Variants in PRKCA observed in about 807,000 individuals in gnomAD.
PRKCA encodes protein kinase C alpha type.
A neutral mutation model predicts 87.0 loss-of-function variants in PRKCA; 27 were observed. The ratio of observed to expected loss-of-function variants is 0.31; its 90% CI spans 0.23 to 0.43. The LOEUF (loss-of-function observed/expected upper bound fraction) is 0.43, where lower values mean the gene tolerates loss of function less well. PRKCA is among the 20% of genes least tolerant of loss of function. The pLI, the probability that PRKCA is intolerant of heterozygous loss-of-function variation, is 1.00. For missense variants in PRKCA, 518 were observed against 852.3 expected (o/e 0.61, Z 4.88); for synonymous variants, 329 against 311.1 (o/e 1.06, Z -0.61).
rs557703538 is a variant in PRKCA at position 66,648,994 on chromosome 17, G to A, written c.529+3483G>A. 2.6e-5 allele frequency among the ~76,000 whole-genome samples: 4 copies of A among 152,042 alleles called. No homozygotes were observed. In the South Asian group the frequency reaches 8.3e-4, roughly 32 times the overall value. On this transcript the variant is annotated intron_variant, in intron 5 of 16. Transcript: ENST00000413366. Reference sequence around the variant, plus strand: ...ATGTAGTCCCAGGTACTCAGGAGGAGGCTGAGGCAGGATAATCGGTTGAAC... The same window carrying A: ...ATGTAGTCCCAGGTACTCAGGAGGAAGCTGAGGCAGGATAATCGGTTGAAC...
At chr17:66,439,196 A>T (rs7209341) in intron 2 of PRKCA, among the ~76,000 whole-genome samples, 65,990 of 151,070 alleles carry the variant, frequency 0.44, 16,529 homozygotes, top group African/African-American at 0.69. Context: ...TCTTTTTTTT[A>T]TTGAGACAGA....
At chr17:66,753,361 A>C (rs1056313943) in intron 13 of PRKCA, among the ~76,000 whole-genome samples, 1 of 152,080 alleles carries the variant, frequency 6.6e-6, no homozygotes, top group Non-Finnish European at 1.5e-5. Context: ...TGGCGTATGC[A>C]CTCCTGTGGC....
In PRKCA at chr17:66,423,841, C is replaced by A. The variant is rs1489997578; in HGVS notation, c.206-72360C>A. Among the ~76,000 whole-genome samples the A allele has an allele frequency of 2.1e-5, 3 of 141,388 alleles. 1 individual carries two copies. Among genetic ancestry groups the A allele is most frequent in the Non-Finnish European group, 4.9e-5 (3 of 61,322 alleles). 92.8% of individuals were successfully genotyped at this position (141,388 alleles called of 152,430 possible). A position where few individuals can be genotyped will look rare whatever the true frequency, so the allele number is the denominator to read the frequency against. ...GTTTAAGAATTCAATCTTTTAAGTGCCGGTGATGTCAGTTTGGAGACAGCA... is the reference window on the plus strand; with the variant it reads ...GTTTAAGAATTCAATCTTTTAAGTGACGGTGATGTCAGTTTGGAGACAGCA... On this transcript the variant is annotated intron_variant, in intron 2 of 16. Coordinates refer to ENST00000413366, the MANE Select transcript of PRKCA (RefSeq NM_002737.3).
intron 3 of PRKCA, among the ~76,000 whole-genome samples, chr17:66,557,939 G>A (rs1246713263): frequency 6.6e-6 from 1 of 152,170 alleles, no homozygotes; most frequent in African/African-American, 2.4e-5. Context: ...CACAGGCAGA[G>A]GACACCATCC....
At chr17:66,720,913 G>T (rs560106331) in intron 8 of PRKCA, among the ~76,000 whole-genome samples, 5 of 152,146 alleles carry the variant, frequency 3.3e-5, no homozygotes, top group African/African-American at 1.2e-4. Flanking sequence ...AATGCTAAGA[G>T]ATCATGTATT....
At chr17:66,582,477 C>T (rs1969474888) in intron 3 of PRKCA, among the ~76,000 whole-genome samples, 1 of 152,110 alleles carries the variant, frequency 6.6e-6, no homozygotes, top group Non-Finnish European at 1.5e-5. Flanking sequence ...GGATAAGTCT[C>T]ATGAGAACTG....
rs74794393 is a variant in PRKCA, at chr17:66,513,030, C to A, written c.288+16747C>A. On this transcript the variant is annotated intron_variant, in intron 3 of 16. Coordinates refer to ENST00000413366, the MANE Select transcript of PRKCA (RefSeq NM_002737.3). ...TTCTATTACTTTATGCACTTCAAAC[C>A]CCCTGTCATCATCTAAAACCATACA... Among the ~76,000 whole-genome samples, 941 of 152,226 alleles carry A rather than the reference C, an allele frequency of 6.2e-3. 11 individuals carry two copies. Among genetic ancestry groups the A allele is most frequent in the African/African-American group, 0.021 (889 of 41,544 alleles).
chr17:66,440,889 A>G (rs1038220804), intron 2 of PRKCA, among the ~76,000 whole-genome samples: 1 of 151,962 alleles, frequency 6.6e-6, no homozygotes, highest in African/African-American at 2.4e-5. Context: ...AGGGCCGGGT[A>G]TGGTGGCTCA....
intron 3 of PRKCA, among the ~76,000 whole-genome samples, chr17:66,617,923 T>G (rs1417595286): frequency 6.6e-6 from 1 of 152,222 alleles, no homozygotes; most frequent in East Asian, 1.9e-4. Flanking sequence ...TTTCAGGTGC[T>G]AGAAACACAT....
At chr17:66,563,062 A>G (rs1407211909) in intron 3 of PRKCA, among the ~76,000 whole-genome samples, 1 of 152,012 alleles carries the variant, frequency 6.6e-6, no homozygotes, top group Non-Finnish European at 1.5e-5. Flanking sequence ...TTTTAGGGTT[A>G]TAGGAAAATG....
chr17:66,333,999 C>A (rs1038596513), intron 2 of PRKCA, among the ~76,000 whole-genome samples: 1 of 152,116 alleles, frequency 6.6e-6, no homozygotes, highest in African/African-American at 2.4e-5. Context: ...GCCTGTAATC[C>A]CAGCACTTTG....
intron 13 of PRKCA, among the ~76,000 whole-genome samples, chr17:66,758,057 A>G (rs1221291441): frequency 6.6e-6 from 1 of 152,214 alleles, no homozygotes; most frequent in East Asian, 1.9e-4. Flanking sequence ...GGAAAGTGAC[A>G]TAGGTCAGAA....
chr17:66,586,863 A>C (rs1185674866), intron 3 of PRKCA, among the ~76,000 whole-genome samples: 2 of 152,206 alleles, frequency 1.3e-5, no homozygotes, highest in Non-Finnish European at 2.9e-5. Flanking sequence ...CTGTACCTGC[A>C]CTGGGGTTGT....
In PRKCA at chr17:66,410,636, C is replaced by T. The variant is rs147792633; in HGVS notation, c.206-85565C>T. Among the ~76,000 whole-genome samples the T allele has an allele frequency of 6.8e-3, 1,037 of 152,180 alleles. 18 individuals are homozygous for T. The highest frequency in any genetic ancestry group is 0.023 in the African/African-American group (974 of 41,506). ...TGTTACTCAGGCTGGAGTGTGGTGG[C>T]GCGATCTCGGCTCACTGCAACCTCC... On this transcript the variant is annotated intron_variant, in intron 2 of 16. Transcript: ENST00000413366.
chr17:66,412,280 C>A (rs1352568951), intron 2 of PRKCA, among the ~76,000 whole-genome samples: 2 of 152,130 alleles, frequency 1.3e-5, no homozygotes, highest in East Asian at 3.9e-4. Flanking sequence ...TGGTTTCGAA[C>A]TCCTGAGCTC....
intron 3 of PRKCA, among the ~76,000 whole-genome samples, chr17:66,537,206 T>C (rs1331911509): frequency 2.0e-5 from 3 of 152,172 alleles, no homozygotes; most frequent in Non-Finnish European, 4.4e-5. Context: ...TTGTTCTTTT[T>C]GAGGTCTGTA....
intron 3 of PRKCA, among the ~76,000 whole-genome samples, chr17:66,631,491 G>T (rs183661667): frequency 2.0e-5 from 3 of 152,016 alleles, no homozygotes; most frequent in African/African-American, 7.3e-5. Context: ...TGATCATGGC[G>T]CATTACAGCC....
chr17:66,579,959 T>A (rs1969367942), intron 3 of PRKCA, among the ~76,000 whole-genome samples: 1 of 152,086 alleles, frequency 6.6e-6, no homozygotes, highest in Non-Finnish European at 1.5e-5. Flanking sequence ...GGTGTCACTC[T>A]CTCTCCTCGG....
Position 66,327,451 on chromosome 17 carries a change from A to C in PRKCA, c.205+21324A>C, listed in dbSNP as rs567315214. ...CTGGGGAGACTGAGGCACGAGAATC[A>C]CTGGAACCCGGGAGGTGGAGGTTGC... On this transcript the variant is annotated intron_variant, in intron 2 of 16. Transcript: ENST00000413366. Among the ~76,000 whole-genome samples the C allele has an allele frequency of 5.9e-5, 9 of 151,582 alleles. No individual in the cohort carries two copies. The South Asian group carries it at 1.9e-3, about 32-fold the overall frequency.
Sources: allele counts gnomAD v4.1 joint callset (sites outside exome capture counted in the v4.1 genomes callset), GRCh38; gene constraint gnomAD v4.1.1; transcripts MANE v1.5; gene names NCBI Gene and HGNC (gene_info 2026-07-23, HGNC 2026-07-21).